The following MCM10 variants were observed in gnomAD, a reference collection of about 807,000 sequenced individuals.
MCM10 encodes minichromosome maintenance 10 replication initiation factor, also known as protein MCM10 homolog.
Under a neutral mutation model 109.9 loss-of-function variants are expected in MCM10, and 91 were observed. The ratio of observed to expected loss-of-function variants is 0.83; its 90% CI spans 0.70 to 0.99. The LOEUF is 0.99. Ranked by LOEUF, MCM10 falls within the 50% of genes least tolerant of loss-of-function variation. MCM10 has a pLI of 0.00. For synonymous variants in MCM10, 380 were observed against 387.2 expected (o/e 0.98, Z 0.22); for missense variants, 1,077 against 1,061.2 (o/e 1.01, Z -0.21).
chr10:13,168,029 G>A (rs945696803), intron 2 of MCM10, among the ~76,000 whole-genome samples: 1 of 152,186 alleles, frequency 6.6e-6, no homozygotes, highest in African/African-American at 2.4e-5. Flanking sequence ...GAGGCACCAT[G>A]GGATTAGCCC....
intron 1 of MCM10, among the ~76,000 whole-genome samples, chr10:13,162,494 A>G (rs1278744742): frequency 6.6e-6 from 1 of 152,196 alleles, no homozygotes; most frequent in Non-Finnish European, 1.5e-5. Context: ...TAACACAGTC[A>G]TTGGGTTAAA....
chr10:13,178,844 G>C (rs1056904842), intron 6 of MCM10, among the ~76,000 whole-genome samples: 4 of 152,090 alleles, frequency 2.6e-5, no homozygotes, highest in Non-Finnish European at 5.9e-5. Context: ...CATCAACATA[G>C]GCTATTTTTC....
chr10:13,173,522 T>G lies in MCM10; in HGVS notation c.592+757T>G, dbSNP rs149886406. Among the ~76,000 whole-genome samples the G allele has an allele frequency of 6.2e-3, 952 of 152,330 alleles. 11 individuals carry two copies. Among genetic ancestry groups the G allele is most frequent in the African/African-American group, 0.022 (904 of 41,562 alleles). On this transcript the variant is annotated intron_variant, in intron 5 of 19. Transcript: ENST00000378714. ...ACAGCAGTGAAAAGGCTTTCTGCCC[T>G]ATGTATTGCTTTTCTTTTATTGCCG...
Position 13,171,030 on chromosome 10 carries a change from C to G in MCM10, c.116C>G (p.Pro39Arg). 1.2e-6 allele frequency: 2 copies of G among 1,614,152 alleles called. No individual in the cohort carries two copies. Among genetic ancestry groups the G allele is most frequent in the Non-Finnish European group, 8.5e-7 (1 of 1,180,036 alleles). Residue 39 changes from proline to arginine, a missense_variant, in exon 3 of 20, where the codon CCC becomes CGC. Coordinates refer to ENST00000378714, the MANE Select transcript of MCM10 (RefSeq NM_018518.5). ...NNFLTRENGE[P>R]DAFDELFDAD... ...TTCTTGACGCGGGAAAATGGCGAGC[C>G]CGACGCATTTGATGAGCTCTTTGAT...
At chr10:13,183,241 G>C in intron 8 of MCM10, 141 bp downstream of exon 8, 3 of 885,718 alleles carry the variant, frequency 3.4e-6, no homozygotes, top group Non-Finnish European at 5.1e-6. Context: ...AGGATCACTT[G>C]AGCCCAGGAG....
rs141376818 is a variant in MCM10 at position 13,192,328 on chromosome 10, G to A, written c.1590G>A (p.Arg530=). 3.0e-3 allele frequency: 4,901 copies of A among 1,614,082 alleles called. 13 individuals carry two copies. Among genetic ancestry groups the A allele is most frequent in the Non-Finnish European group, 3.8e-3 (4,506 of 1,179,964 alleles). The part of the protein sequence containing the change: ...ELMDLPTCGA[R]NLKQHLAKAT... ...TGGACCTGCCGACGTGTGGAGCCAG[G>A]AACTTAAAACAACATTTAGCCAAAG... is the stretch of plus-strand genomic sequence containing the variant. Residue 530 remains arginine (R), a synonymous_variant, in exon 12 of 20, where the codon AGG becomes AGA. Coordinates refer to ENST00000378714, the MANE Select transcript of MCM10 (RefSeq NM_018518.5).
At chr10:13,169,837 C>T (rs1426507547) in intron 2 of MCM10, among the ~76,000 whole-genome samples, 1 of 152,162 alleles carries the variant, frequency 6.6e-6, no homozygotes, top group African/African-American at 2.4e-5. Flanking sequence ...TCCTGAATAG[C>T]TGGGATTACA....
intron 6 of MCM10, among the ~76,000 whole-genome samples, chr10:13,177,849 C>CA (rs5783313): frequency 0.69 from 99,904 of 144,476 alleles, 34,491 homozygotes; most frequent in African/African-American, 0.74. Flanking sequence ...GACCCTATCT[C>CA]AAAAAAAAAA....
Position 13,192,599 on chromosome 10 carries a change from TG to T in MCM10, c.1745+34del, listed in dbSNP as rs768762958. 1.4e-5 allele frequency: 22 copies of T among 1,598,040 alleles called. No homozygotes were observed. In the African/African-American group the frequency reaches 2.5e-4, roughly 18 times the overall value. ...AGGAGCAGATTTAATATTCCCCGCT[TG>T]GGTCATCCATCTCAGGCGTCCTCAG... On this transcript the variant is annotated intron_variant, in intron 13 of 19. Transcript: ENST00000378714.
chr10:13,204,364 G>A lies in MCM10; in HGVS notation c.2498G>A (p.Ser833Asn), dbSNP rs1834541581. The A allele has an allele frequency of 6.2e-7, 1 of 1,613,994 alleles. No homozygotes were observed. The highest frequency in any genetic ancestry group is 8.5e-7 in the Non-Finnish European group (1 of 1,179,924). The change falls in exon 18 of 20, where the codon AGT becomes AAT. Residue 833 changes from serine to asparagine, a missense_variant and splice_region_variant. By Grantham distance (46) the Ser-to-Asn change is conservative (BLOSUM62 1). Coordinates refer to ENST00000378714, the MANE Select transcript of MCM10 (RefSeq NM_018518.5). ...GACAGACTCCCGAACAAGCACTGCA[G>A]GTATGAGAATCACCTGGAGCTCTTT... ...SLDRLPNKHCSNCGLYKWERD... is the reference protein window; with the variant it reads ...SLDRLPNKHCNNCGLYKWERD...
intron 8 of MCM10, among the ~76,000 whole-genome samples, chr10:13,183,382 T>C (rs113395876): frequency 6.6e-6 from 1 of 151,936 alleles, no homozygotes; most frequent in Non-Finnish European, 1.5e-5. Context: ...GAGGCTGTAG[T>C]GAGCCCTGAT....
In MCM10 at chr10:13,195,190, T is replaced by C. The variant is rs1310607816; in HGVS notation, c.1895T>C (p.Leu632Ser). 1 of 1,613,724 alleles carries C rather than the reference T, an allele frequency of 6.2e-7. No individual in the cohort carries two copies. Among genetic ancestry groups the C allele is most frequent in the Non-Finnish European group, 8.5e-7 (1 of 1,179,902 alleles). Reference sequence around the variant, plus strand: ...ACGCCCAAGCTGGGGCGAGGTGTCTTGGAAGGAGATGATGTTCTCTTTTAT... The same window carrying C: ...ACGCCCAAGCTGGGGCGAGGTGTCTCGGAAGGAGATGATGTTCTCTTTTAT... ...TMTPKLGRGV[L>S]EGDDVLFYDE... The change falls in exon 14 of 20, where the codon TTG becomes TCG. Residue 632 changes from leucine (L) to serine (S), a missense_variant. Leu to Ser is a moderately radical substitution (Grantham distance 145). Transcript: ENST00000378714.
chr10:13,197,690 A>G lies in MCM10; in HGVS notation c.2042A>G (p.Lys681Arg). The stretch of plus-strand genomic sequence containing the variant: ...ACAAAAACAAACCCAAACAGCATTA[A>G]GAAGAAACAAAAGGACCCTCAGGAC... ...VLTKTNPNSI[K>R]KKQKDPQDIL... Residue 681 changes from lysine to arginine, a missense_variant, in exon 15 of 20, where the codon AAG becomes AGG. By Grantham distance (26) the Lys-to-Arg change is conservative (BLOSUM62 2). Transcript: ENST00000378714. The G allele has an allele frequency of 6.2e-7, 1 of 1,614,138 alleles. No homozygotes were observed. The highest frequency in any genetic ancestry group is 8.5e-7 in the Non-Finnish European group (1 of 1,180,004).
At chr10:13,191,159 C>T (rs1834342121) in intron 10 of MCM10, 140 bp from the exon 11 acceptor site, 2 of 614,214 alleles carry the variant, frequency 3.3e-6, no homozygotes, top group South Asian at 4.0e-5. Context: ...TGGGCCGTAA[C>T]ATTAAGAAAG....
intron 13 of MCM10, among the ~76,000 whole-genome samples, chr10:13,192,983 T>C (rs1387302795): frequency 6.6e-6 from 1 of 152,060 alleles, no homozygotes; most frequent in Non-Finnish European, 1.5e-5. Context: ...TGTCCCAGGC[T>C]CAAATGATCC....
At chr10:13,181,448 C>G (rs1194553201) in intron 7 of MCM10, among the ~76,000 whole-genome samples, 5 of 152,140 alleles carry the variant, frequency 3.3e-5, no homozygotes, top group Non-Finnish European at 7.4e-5. Flanking sequence ...GCTGCATGTT[C>G]TCACTTATAA....
rs751193743 is a variant in MCM10 at position 13,185,614 on chromosome 10, TGAG to T, written c.1099-549_1099-547del. ...GGGAACAGGATCTATGACCTGAGGC[TGAG>T]AAGTCAGCCAGCCTAGAGAAAATCA... On this transcript the variant is annotated intron_variant, in intron 8 of 19. Coordinates refer to ENST00000378714, the MANE Select transcript of MCM10 (RefSeq NM_018518.5). Among the ~76,000 whole-genome samples the T allele has an allele frequency of 2.6e-4, 40 of 152,284 alleles. 1 individual carries two copies. Among genetic ancestry groups the T allele is most frequent in the Middle Eastern group, 3.4e-3 (1 of 294 alleles).
chr10:13,201,495 C>A lies in MCM10; in HGVS notation c.2313C>A (p.Asn771Lys). ...KKEQMEEKMR[N>K]IREVKCRVVT... ...AACAAATGGAAGAAAAGATGAGAAACATCAGAGAAGTGAAGTGCCGTGTCG... is the reference window on the plus strand; with the variant it reads ...AACAAATGGAAGAAAAGATGAGAAAAATCAGAGAAGTGAAGTGCCGTGTCG... Residue 771 changes from asparagine to lysine, a missense_variant, in exon 17 of 20, where the codon AAC (asparagine) becomes AAA (lysine). Physicochemically the swap from Asn to Lys is moderately conservative, Grantham distance 94 (BLOSUM62 0). Coordinates refer to ENST00000378714, the MANE Select transcript of MCM10 (RefSeq NM_018518.5). 6.2e-7 allele frequency: 1 copy of A among 1,612,660 alleles called. No homozygotes were observed. The highest frequency in any genetic ancestry group is 8.5e-7 in the Non-Finnish European group (1 of 1,179,326).
intron 14 of MCM10, chr10:13,195,721 C>G (rs1834411633): frequency 6.6e-6 from 1 of 152,410 alleles, no homozygotes; most frequent in Non-Finnish European, 1.5e-5. Flanking sequence ...AGCGATTGTC[C>G]TGCTTCAGCC....
Sources: gnomAD v4.1 joint callset for allele counts (sites outside exome capture counted in the v4.1 genomes callset) on GRCh38, gnomAD v4.1.1 for gene constraint, MANE v1.5 for transcripts, NCBI Gene and HGNC (gene_info 2026-07-23, HGNC 2026-07-21) for gene names.